Variants in QRSL1 observed in about 807,000 individuals in gnomAD.
QRSL1 encodes glutaminyl-tRNA amidotransferase subunit QRSL1.
QRSL1 carries 54 observed loss-of-function variants against 61.6 expected under a neutral mutation model. That is an observed-to-expected ratio of 0.88 (90% CI 0.70 to 1.10). The LOEUF is 1.10. Ranked by LOEUF, QRSL1 falls within the 50% of genes least tolerant of loss-of-function variation. The pLI, the probability that QRSL1 is intolerant of heterozygous loss-of-function variation, is 0.00. For missense variants in QRSL1, 505 were observed against 622.6 expected, an observed-to-expected ratio of 0.81 and a Z score of 2.01; for synonymous variants, 228 against 225.7, an observed-to-expected ratio of 1.01 and a Z score of -0.09.
intron 10 of QRSL1, among the ~76,000 whole-genome samples, chr6:106,665,376 T>G (rs1777415427): frequency 6.6e-6 from 1 of 152,218 alleles, no homozygotes; most frequent in African/African-American, 2.4e-5. Flanking sequence ...ATTTGTCGTT[T>G]GATGAAGCAA....
intron 1 of QRSL1, among the ~76,000 whole-genome samples, chr6:106,639,135 T>TTG (rs1776975219): frequency 7.8e-6 from 1 of 128,428 alleles, no homozygotes; most frequent in African/African-American, 2.8e-5. Context: ...TTTTTTTTTT[T>TTG]TTTTTTTTTT....
intron 9 of QRSL1, among the ~76,000 whole-genome samples, chr6:106,656,070 A>T (rs1777265993): frequency 6.6e-6 from 1 of 152,246 alleles, no homozygotes; most frequent in Non-Finnish European, 1.5e-5. Context: ...ACAGTGTAAC[A>T]ACTATTTACC....
Position 106,666,005 on chromosome 6 carries a change from A to G in QRSL1, c.*3A>G, listed in dbSNP as rs1023591409. 5.0e-6 allele frequency: 8 copies of G among 1,611,958 alleles called. No homozygotes were observed. The highest frequency in any genetic ancestry group is 5.9e-6 in the Non-Finnish European group (7 of 1,178,150). On this transcript the variant is annotated 3_prime_UTR_variant, in exon 11 of 11. Transcript: ENST00000369046. ...CCTCTGTCTCTCTAAAACAGTAAAC[A>G]TATCTTACAAATTAAAATGACTTTT...
At chr6:106,637,910 A>C (rs936056765) in intron 1 of QRSL1, among the ~76,000 whole-genome samples, 1 of 152,074 alleles carries the variant, frequency 6.6e-6, no homozygotes, top group African/African-American at 2.4e-5. Context: ...TCAAATCTAG[A>C]GTTCCTAAAA....
chr6:106,661,120 G>T (rs1035212644), intron 9 of QRSL1, among the ~76,000 whole-genome samples: 11 of 151,232 alleles, frequency 7.3e-5, no homozygotes, highest in South Asian at 2.1e-4. Flanking sequence ...GTTTTGTTTT[G>T]TTTTTTTTTG....
intron 7 of QRSL1, among the ~76,000 whole-genome samples, chr6:106,654,348 T>A (rs1361972507): frequency 7.6e-5 from 11 of 145,630 alleles, no homozygotes; most frequent in African/African-American, 2.8e-4. Context: ...AGACTCCGTC[T>A]CAAAAAAAAA....
chr6:106,636,158 G>C (rs1432753043), intron 1 of QRSL1, among the ~76,000 whole-genome samples: 1 of 151,968 alleles, frequency 6.6e-6, no homozygotes, highest in Non-Finnish European at 1.5e-5. Context: ...AAAGTATATA[G>C]TGCACATAGA....
intron 9 of QRSL1, among the ~76,000 whole-genome samples, chr6:106,661,135 G>A (rs1026608273): frequency 3.3e-5 from 5 of 151,628 alleles, no homozygotes; most frequent in South Asian, 2.1e-4. Context: ...TTTTTGAGAC[G>A]GAGTCTTGCT....
chr6:106,639,119 G>GTTTTTTTTTTTT (rs1177849683), intron 1 of QRSL1, among the ~76,000 whole-genome samples: 7 of 122,808 alleles, frequency 5.7e-5, no homozygotes, highest in South Asian at 5.2e-4. Context: ...GTGTTTTGTT[G>GTTTTTTTTTTTT]TTTTTTTTTT....
intron 8 of QRSL1, among the ~76,000 whole-genome samples, chr6:106,655,227 C>A (rs982333817): frequency 6.6e-6 from 1 of 152,120 alleles, no homozygotes; most frequent in African/African-American, 2.4e-5. Context: ...AGGGAGTGAA[C>A]AATTGGAGTT....
chr6:106,656,764 CT>C (rs2114714573), intron 9 of QRSL1, among the ~76,000 whole-genome samples: 1 of 152,318 alleles, frequency 6.6e-6, no homozygotes, highest in African/African-American at 2.4e-5. Flanking sequence ...TTAAGTGATC[CT>C]CCCACCTCAG....
intron 1 of QRSL1, 147 bp downstream of exon 1, chr6:106,629,852 C>G: frequency 1.0e-6 from 1 of 973,662 alleles, no homozygotes; most frequent in South Asian, 1.5e-5. Flanking sequence ...CCTTTCGATT[C>G]TTCGGGTGTA....
chr6:106,660,011 G>C (rs1017735921), intron 9 of QRSL1, among the ~76,000 whole-genome samples: 1 of 152,030 alleles, frequency 6.6e-6, no homozygotes, highest in African/African-American at 2.4e-5. Context: ...CTCTCTCTTT[G>C]TGCCACTCCC....
At chr6:106,663,290 T>A in intron 10 of QRSL1, 105 bp downstream of exon 10, 1 of 1,083,054 alleles carries the variant, frequency 9.2e-7, no homozygotes, top group Non-Finnish European at 1.4e-6. Flanking sequence ...AGCAAAAGTC[T>A]ATCCTTTTGG....
Position 106,640,804 on chromosome 6 carries a change from T to C in QRSL1, c.185-19T>C. 6.3e-7 allele frequency: 1 copy of C among 1,588,176 alleles called. No individual in the cohort carries two copies. Among genetic ancestry groups the C allele is most frequent in the Non-Finnish European group, 8.6e-7 (1 of 1,157,288 alleles). ...TTTTAAACTATCTCCTTTATCACTC[T>C]TTTGGCTTTTTAATGCAGGACAGTC... On this transcript the variant is annotated intron_variant, in intron 2 of 10. Coordinates refer to ENST00000369046, the MANE Select transcript of QRSL1 (RefSeq NM_018292.5).
chr6:106,660,330 A>T (rs1275219494), intron 9 of QRSL1, among the ~76,000 whole-genome samples: 1 of 112,272 alleles, frequency 8.9e-6, no homozygotes, highest in Non-Finnish European at 1.9e-5. Flanking sequence ...AACACTCCCC[A>T]CCCCCCCCGT....
rs549006363 is a variant in QRSL1, at chr6:106,655,825, A to C, written c.1160+93A>C. Reference sequence around the variant, plus strand: ...TTATAAGTCAAGGTATTTAGTAAAGAAACAAAATCTTTATGATTTGAATTA... The same window carrying C: ...TTATAAGTCAAGGTATTTAGTAAAGCAACAAAATCTTTATGATTTGAATTA... On this transcript the variant is annotated intron_variant, in intron 9 of 10. Transcript: ENST00000369046. The C allele has an allele frequency of 5.4e-4, 427 of 796,294 alleles. 5 individuals are homozygous for C. In the South Asian group the frequency reaches 6.2e-3, roughly 12 times the overall value. 49.3% of individuals were successfully genotyped at this position (796,294 alleles called of 1,614,324 possible).
At chr6:106,649,362 T>C (rs989133241) in intron 5 of QRSL1, among the ~76,000 whole-genome samples, 161 bp downstream of exon 5, 3 of 152,158 alleles carry the variant, frequency 2.0e-5, no homozygotes, top group African/African-American at 7.2e-5. Context: ...TGCACTCAAC[T>C]GTACAGTACA....
chr6:106,640,924 A>G lies in QRSL1; in HGVS notation c.283+3A>G, dbSNP rs771724047. On this transcript the variant is annotated splice_donor_region_variant and intron_variant, in intron 3 of 10. Transcript: ENST00000369046. ...ATGTGCATCAAATATGCTGAAAGGTAAAGTTTAACTGATCAGAGCATTGAT... is the reference window on the plus strand; with the variant it reads ...ATGTGCATCAAATATGCTGAAAGGTGAAGTTTAACTGATCAGAGCATTGAT... The G allele has an allele frequency of 3.1e-6, 5 of 1,604,086 alleles. No individual in the cohort carries two copies. The highest frequency in any genetic ancestry group is 4.3e-6 in the Non-Finnish European group (5 of 1,171,496).
Sources: gnomAD v4.1 joint callset for allele counts (sites outside exome capture counted in the v4.1 genomes callset) on GRCh38, gnomAD v4.1.1 for gene constraint, MANE v1.5 for transcripts, NCBI Gene and HGNC (gene_info 2026-07-23, HGNC 2026-07-21) for gene names.